TTC7B: variants seen among roughly 807,000 people sequenced by gnomAD.
TTC7B encodes the protein tetratricopeptide repeat protein 7B.
A neutral mutation model predicts 106.8 loss-of-function variants in TTC7B; 28 were observed. That is an observed-to-expected ratio of 0.26 (90% CI 0.19 to 0.36). TTC7B has a LOEUF of 0.36. Among genes scored for constraint, TTC7B ranks in the 10% least tolerant of loss-of-function variants. The pLI, the probability that TTC7B is intolerant of heterozygous loss-of-function variation, is 1.00. For synonymous variants in TTC7B, 405 were observed against 430.6 expected, an observed-to-expected ratio of 0.94 and a Z score of 0.74; for missense variants, 862 against 1,076.4, an observed-to-expected ratio of 0.80 and a Z score of 2.79.
intron 3 of TTC7B, among the ~76,000 whole-genome samples, chr14:90,772,059 A>G (rs1404754798): frequency 1.3e-5 from 2 of 150,652 alleles, no homozygotes; most frequent in African/African-American, 4.9e-5. Context: ...CCTACACTCA[A>G]TACACAGCTA....
chr14:90,779,761 G>A (rs1211049157), intron 3 of TTC7B, among the ~76,000 whole-genome samples: 2 of 152,180 alleles, frequency 1.3e-5, no homozygotes, highest in Admixed American at 6.5e-5. Context: ...GGAACGGTCC[G>A]ATCATCTGTG....
At chr14:90,546,163 G>C (rs1889821936) in intron 19 of TTC7B, among the ~76,000 whole-genome samples, 1 of 152,224 alleles carries the variant, frequency 6.6e-6, no homozygotes, top group Non-Finnish European at 1.5e-5. Flanking sequence ...CCACTGCCTG[G>C]AGCCAGCACA....
At chr14:90,778,694 C>T (rs1891113119) in intron 3 of TTC7B, among the ~76,000 whole-genome samples, 2 of 152,312 alleles carry the variant, frequency 1.3e-5, no homozygotes, top group Middle Eastern at 3.4e-3. Context: ...CTCCCCGTAG[C>T]TCAGACAGAT....
rs1165750149 is a variant in TTC7B, at chr14:90,535,383, C to G, written c.*5985G>C. On this transcript the variant is annotated 3_prime_UTR_variant, in exon 20 of 20. Coordinates refer to ENST00000328459, the MANE Select transcript of TTC7B (RefSeq NM_001010854.2). ...CACCCCACCCTGCCCGAAGTTGGCT[C>G]CCTGCTCACTGAGGAGTGGGTGCCC... 1 of 152,640 alleles carries G rather than the reference C, an allele frequency of 6.6e-6. No homozygotes were observed. The highest frequency in any genetic ancestry group is 1.5e-5 in the Non-Finnish European group (1 of 68,298). The allele number at this position is 152,640 out of a possible 1,614,324, so 9.5% of individuals were successfully genotyped here.
chr14:90,561,580 G>A (rs1644309418), intron 19 of TTC7B, among the ~76,000 whole-genome samples: 1 of 152,196 alleles, frequency 6.6e-6, no homozygotes, highest in African/African-American at 2.4e-5. Flanking sequence ...AGCCCGGTGG[G>A]ATGAACACCA....
intron 1 of TTC7B, among the ~76,000 whole-genome samples, chr14:90,809,614 C>T (rs8021305): frequency 0.079 from 11,984 of 152,320 alleles, 851 homozygotes; most frequent in African/African-American, 0.19. Context: ...AGAGTCATCA[C>T]GTAATATTGA....
chr14:90,570,003 AGT>A lies in TTC7B; in HGVS notation c.2310+8101_2310+8102del, dbSNP rs1017447297. 6.6e-6 allele frequency: 1 copy of A among 152,220 alleles called. No homozygotes were observed. Among genetic ancestry groups the A allele is most frequent in the African/African-American group, 2.4e-5 (1 of 41,434 alleles). The allele number at this position is 152,220 out of a possible 1,614,324, so 9.4% of individuals were successfully genotyped here. ...AGTATGCCTGGGGTCAACAGGGCTG[AGT>A]GTATGAACTTGGGGGTGGTGGTGAC... On this transcript the variant is annotated intron_variant, in intron 19 of 19. Transcript: ENST00000328459. The surrounding 1 kb of genome is among the most constrained non-coding windows in gnomAD (Gnocchi z 4.0).
chr14:90,606,178 G>C (rs1228068469), intron 17 of TTC7B, among the ~76,000 whole-genome samples: 1 of 152,166 alleles, frequency 6.6e-6, no homozygotes, highest in African/African-American at 2.4e-5. Flanking sequence ...TTGAAAATAA[G>C]GTTTTCCAAG....
At position 90,693,080 on chromosome 14, in the gene TTC7B, C is replaced by A. The variant is rs188469272; in HGVS notation, c.777+2420G>T. On this transcript the variant is annotated intron_variant, in intron 6 of 19. Transcript: ENST00000328459. ...CTATGACATGAATCTCTTAGCCATG[C>A]CCAACTGAATAATCTCCTACAGCAT... Among the ~76,000 whole-genome samples, 201 of 152,012 alleles carry A rather than the reference C, an allele frequency of 1.3e-3. 1 individual carries two copies. Among genetic ancestry groups the A allele is most frequent in the Middle Eastern group, 6.8e-3 (2 of 292 alleles).
At chr14:90,696,672 C>T (rs1221966742) in intron 5 of TTC7B, among the ~76,000 whole-genome samples, 1 of 152,082 alleles carries the variant, frequency 6.6e-6, no homozygotes, top group Non-Finnish European at 1.5e-5. Flanking sequence ...CTCTCATGCA[C>T]AAGAATGGCC....
intron 3 of TTC7B, 47 bp from the exon 4 acceptor site, chr14:90,744,969 A>C (rs201573367): frequency 4.4e-6 from 7 of 1,603,332 alleles, no homozygotes; most frequent in Non-Finnish European, 8.5e-7. Context: ...TTTTTTCATA[A>C]GGCTTCATTT....
chr14:90,762,150 C>T (rs893162271), intron 3 of TTC7B, among the ~76,000 whole-genome samples: 1 of 152,190 alleles, frequency 6.6e-6, no homozygotes, highest in Non-Finnish European at 1.5e-5. Flanking sequence ...AGAGCCAAAA[C>T]CCAGAGGAAG....
At chr14:90,639,728 A>G (rs1292593454) in intron 15 of TTC7B, among the ~76,000 whole-genome samples, 1 of 152,256 alleles carries the variant, frequency 6.6e-6, no homozygotes, top group Non-Finnish European at 1.5e-5. Flanking sequence ...AAGAAGATTT[A>G]CAAGCACTGT....
At chr14:90,589,261 A>T (rs533307204) in intron 18 of TTC7B, among the ~76,000 whole-genome samples, 2 of 152,348 alleles carry the variant, frequency 1.3e-5, no homozygotes, top group East Asian at 1.9e-4. Context: ...AGATAAAAAA[A>T]AATACACAGT....
At chr14:90,558,915 G>A (rs1229307387) in intron 19 of TTC7B, among the ~76,000 whole-genome samples, 1 of 152,250 alleles carries the variant, frequency 6.6e-6, no homozygotes, top group African/African-American at 2.4e-5. Context: ...AGACAGGCAG[G>A]GAACACTGTA....
chr14:90,720,955 G>A (rs1203283011), intron 5 of TTC7B, among the ~76,000 whole-genome samples: 6 of 152,016 alleles, frequency 3.9e-5, no homozygotes, highest in Non-Finnish European at 5.9e-5. Flanking sequence ...AACAAGCACG[G>A]AATCTATTCC....
intron 16 of TTC7B, 84 bp downstream of exon 16, chr14:90,617,845 C>A: frequency 2.8e-6 from 3 of 1,052,840 alleles, no homozygotes; most frequent in Non-Finnish European, 4.4e-6. Context: ...AGAGTTAATG[C>A]CTGCTAAATG....
rs61747217 is a variant in TTC7B, at chr14:90,657,228, G to A, written c.1287C>T (p.Asp429=). The A allele has an allele frequency of 6.4e-5, 104 of 1,614,136 alleles. No individual in the cohort carries two copies. In the African/African-American group the frequency reaches 7.9e-4, roughly 12 times the overall value. ...CAGCGAGGAGAGGGATGGTGGCATC[G>A]TCTGGCTTCAGGCGGATACACTCTT... ...VLKECIRLKP[D]DATIPLLAAK... Residue 429 remains aspartate, a synonymous_variant, in exon 11 of 20, where the codon GAC becomes GAT. Transcript: ENST00000328459. The surrounding 1 kb of genome is among the most constrained non-coding windows in gnomAD (Gnocchi z 4.2).
In TTC7B at chr14:90,695,525, G is replaced by A. The variant is rs1348360232; in HGVS notation, c.752C>T (p.Thr251Ile). 2.5e-6 allele frequency: 4 copies of A among 1,596,416 alleles called. No homozygotes were observed. Among genetic ancestry groups the A allele is most frequent in the African/African-American group, 1.3e-5 (1 of 74,342 alleles). ...RFRELLRAVE[T>I]RTTQNLRMTI... ...CATTCGCAGGTTTTGAGTCGTTCTTGTTTCAACTGCTCTGAGAAGCTCTCT... is the reference window on the plus strand; with the variant it reads ...CATTCGCAGGTTTTGAGTCGTTCTTATTTCAACTGCTCTGAGAAGCTCTCT... The change falls in exon 6 of 20, where the codon ACA becomes ATA. Residue 251 changes from threonine (T) to isoleucine (I), a missense_variant. By Grantham distance (89) the Thr-to-Ile change is moderately conservative (BLOSUM62 -1). Transcript: ENST00000328459.
Sources: gnomAD v4.1 joint callset for allele counts (sites outside exome capture counted in the v4.1 genomes callset) on GRCh38, gnomAD v4.1.1 for gene constraint, Gnocchi (gnomAD v3.1) non-coding constraint, MANE v1.5 for transcripts, NCBI Gene and HGNC (gene_info 2026-07-23, HGNC 2026-07-21) for gene names.